Variants in CTNNA3 observed in about 807,000 individuals in gnomAD.
CTNNA3 encodes the protein catenin alpha-3.
In CTNNA3, 76 loss-of-function variants were observed where a neutral mutation model predicts 95.7. The observed-to-expected ratio is 0.79, with a 90% CI of 0.66 to 0.96. The LOEUF is 0.96. Among genes scored for constraint, CTNNA3 ranks in the 40% least tolerant of loss-of-function variants. CTNNA3 has a pLI of 0.00. For synonymous variants in CTNNA3, 431 were observed against 374.4 expected (o/e 1.15, Z -1.74); for missense variants, 1,191 against 1,089.8 (o/e 1.09, Z -1.31).
chr10:67,661,255 G>A (rs1159096491), intron 1 of CTNNA3, among the ~76,000 whole-genome samples: 1 of 144,714 alleles, frequency 6.9e-6, no homozygotes, highest in Non-Finnish European at 1.5e-5. Context: ...AAAAAAGAGA[G>A]AGAGAGAAAA....
At chr10:65,944,449 C>T (rs2077478704) in intron 17 of CTNNA3, among the ~76,000 whole-genome samples, 1 of 152,294 alleles carries the variant, frequency 6.6e-6, no homozygotes, top group African/African-American at 2.4e-5. Context: ...ATTAGTGAGA[C>T]AACACTGAAG....
At chr10:67,178,324 C>T (rs1862341472) in intron 7 of CTNNA3, among the ~76,000 whole-genome samples, 1 of 151,752 alleles carries the variant, frequency 6.6e-6, no homozygotes, top group Admixed American at 6.6e-5. Flanking sequence ...CATAGTCTCT[C>T]GTGACCTATA....
At chr10:66,449,006 AT>A (rs1564974868) in intron 11 of CTNNA3, among the ~76,000 whole-genome samples, 1 of 152,074 alleles carries the variant, frequency 6.6e-6, no homozygotes. Context: ...ACTAGTTCAC[AT>A]TTTTAAAAAG....
intron 9 of CTNNA3, among the ~76,000 whole-genome samples, chr10:66,652,200 GA>G (rs971977391): frequency 4.7e-5 from 7 of 147,448 alleles, no homozygotes; most frequent in African/African-American, 1.5e-4. Flanking sequence ...GAAAATGATA[GA>G]AAAAAAATCA....
At chr10:65,932,024 C>G (rs1474364349) in intron 17 of CTNNA3, among the ~76,000 whole-genome samples, 1 of 152,150 alleles carries the variant, frequency 6.6e-6, no homozygotes, top group Non-Finnish European at 1.5e-5. Context: ...ATAAAGTTCT[C>G]AAGGTTACGT....
intron 17 of CTNNA3, among the ~76,000 whole-genome samples, chr10:65,937,300 C>T (rs532032225): frequency 3.9e-5 from 6 of 152,166 alleles, no homozygotes; most frequent in African/African-American, 1.4e-4. Context: ...TAATTACTTT[C>T]CTGTTTTACA....
intron 13 of CTNNA3, among the ~76,000 whole-genome samples, chr10:66,273,478 CATGAATA>C (rs2091325801): frequency 6.6e-6 from 1 of 152,094 alleles, no homozygotes; most frequent in Non-Finnish European, 1.5e-5. Context: ...AAATCAAAAC[CATGAATA>C]AGGGGATGTC....
chr10:66,191,205 T>C (rs1022964189), intron 13 of CTNNA3, among the ~76,000 whole-genome samples: 2 of 152,146 alleles, frequency 1.3e-5, no homozygotes, highest in African/African-American at 4.8e-5. Flanking sequence ...GTAGGATAAA[T>C]AAATTCTCTT....
intron 11 of CTNNA3, among the ~76,000 whole-genome samples, chr10:66,399,647 A>T (rs12413110): frequency 0.069 from 10,428 of 151,978 alleles, 588 homozygotes; most frequent in East Asian, 0.23. Context: ...TCCTTATCCT[A>T]CTATACAGAT....
intron 6 of CTNNA3, among the ~76,000 whole-genome samples, chr10:67,186,784 T>C (rs1862870712): frequency 1.3e-5 from 2 of 152,190 alleles, no homozygotes; most frequent in Non-Finnish European, 2.9e-5. Flanking sequence ...ATTTTTCCTT[T>C]TTTAAGGTTC....
chr10:66,430,607 C>T (rs1301322327), intron 11 of CTNNA3, among the ~76,000 whole-genome samples: 2 of 152,134 alleles, frequency 1.3e-5, no homozygotes, highest in Non-Finnish European at 2.9e-5. Flanking sequence ...CACACATCTA[C>T]AACTATCTGA....
intron 15 of CTNNA3, among the ~76,000 whole-genome samples, chr10:66,014,130 T>C (rs975866696): frequency 6.6e-6 from 1 of 152,012 alleles, no homozygotes; most frequent in African/African-American, 2.4e-5. Context: ...ATTTTTATCA[T>C]GGGCTAGGAA....
At chr10:66,972,009 T>C (rs1849749667) in intron 7 of CTNNA3, among the ~76,000 whole-genome samples, 1 of 152,094 alleles carries the variant, frequency 6.6e-6, no homozygotes, top group Non-Finnish European at 1.5e-5. Flanking sequence ...CTCTTGAAAA[T>C]TTTCCTCATT....
chr10:66,914,775 T>G (rs952169737), intron 7 of CTNNA3, among the ~76,000 whole-genome samples: 2 of 152,192 alleles, frequency 1.3e-5, no homozygotes, highest in African/African-American at 4.8e-5. Flanking sequence ...CTCTCAACTC[T>G]GCCATTGTAG....
intron 12 of CTNNA3, among the ~76,000 whole-genome samples, chr10:66,312,813 G>A (rs1467441166): frequency 6.6e-6 from 1 of 152,096 alleles, no homozygotes; most frequent in Non-Finnish European, 1.5e-5. Flanking sequence ...CCAAAGTGCT[G>A]GGATTACAGG....
intron 13 of CTNNA3, among the ~76,000 whole-genome samples, chr10:66,150,384 G>A (rs1175337390): frequency 1.3e-5 from 2 of 152,046 alleles, no homozygotes; most frequent in South Asian, 2.1e-4. Context: ...GAAATTGCCC[G>A]TCTCGGGTAT....
rs1564896319 is a variant in CTNNA3 at position 66,360,664 on chromosome 10, TTCCTTCC to T, written c.1732+18481_1732+18487del. On this transcript the variant is annotated intron_variant, in intron 12 of 17. Coordinates refer to ENST00000433211, the MANE Select transcript of CTNNA3 (RefSeq NM_013266.4). ...CTTTCTTTCTTTCTTTCTTTCTTCC[TTCCTTCC>T]TTCCTTCCTTCCTTCCTTCCTTTTC... is the stretch of plus-strand genomic sequence containing the variant. Among the ~76,000 whole-genome samples the T allele has an allele frequency of 4.0e-3, 230 of 58,150 alleles. 21 individuals are homozygous for T. The highest frequency in any genetic ancestry group is 9.7e-3 in the South Asian group (17 of 1,760). 38.1% of individuals were successfully genotyped at this position (58,150 alleles called of 152,430 possible). A position where few individuals can be genotyped will look rare whatever the true frequency, so the allele number is the denominator to read the frequency against.
At chr10:67,374,421 T>C (rs1025694293) in intron 5 of CTNNA3, among the ~76,000 whole-genome samples, 22 of 29,102 alleles carry the variant, frequency 7.6e-4, no homozygotes, top group African/African-American at 1.0e-3. Context: ...AATAAAAAAA[T>C]TGGATAACGA....
chr10:65,970,515 T>A lies in CTNNA3; in HGVS notation c.2266-3769A>T, dbSNP rs544966862. On this transcript the variant is annotated intron_variant, in intron 16 of 17. Coordinates refer to ENST00000433211, the MANE Select transcript of CTNNA3 (RefSeq NM_013266.4). The stretch of plus-strand genomic sequence containing the variant: ...AGAATAACAACATCCATTCATCTGC[T>A]GTTTTCAAGATACCCATCTCACACA... Among the ~76,000 whole-genome samples, 77 of 152,058 alleles carry A rather than the reference T, an allele frequency of 5.1e-4. 1 individual carries two copies. Among genetic ancestry groups the A allele is most frequent in the Non-Finnish European group, 1.0e-3 (68 of 67,926 alleles).
Sources: allele counts gnomAD v4.1 joint callset (sites outside exome capture counted in the v4.1 genomes callset), GRCh38; gene constraint gnomAD v4.1.1; transcripts MANE v1.5; gene names NCBI Gene and HGNC (gene_info 2026-07-23, HGNC 2026-07-21).